Variants in KCNIP4 observed in about 807,000 individuals in gnomAD.
KCNIP4 encodes potassium voltage-gated channel interacting protein 4, also known as Kv channel-interacting protein 4.
A neutral mutation model predicts 34.0 loss-of-function variants in KCNIP4; 12 were observed. The ratio of observed to expected loss-of-function variants is 0.35; its 90% CI spans 0.23 to 0.57. The LOEUF (loss-of-function observed/expected upper bound fraction) is 0.57. KCNIP4 is among the 20% of genes least tolerant of loss of function. The probability of loss-of-function intolerance (pLI) is 0.83; values close to 1 mark genes in which losing one functional copy is unlikely to be tolerated. For synonymous variants in KCNIP4, 124 were observed against 102.2 expected (o/e 1.21, Z -1.29); for missense variants, 238 against 311.7 (o/e 0.76, Z 1.78).
intron 1 of KCNIP4, among the ~76,000 whole-genome samples, chr4:21,721,498 C>T (rs1225690549): frequency 6.6e-6 from 1 of 152,104 alleles, no homozygotes; most frequent in Admixed American, 6.6e-5. Context: ...TTACAAAGTT[C>T]GACTTCAGCT....
intron 1 of KCNIP4, among the ~76,000 whole-genome samples, chr4:21,910,565 G>C (rs1339568776): frequency 6.6e-6 from 1 of 152,060 alleles, no homozygotes; most frequent in Non-Finnish European, 1.5e-5. Context: ...ACAGACTTTA[G>C]TTCTAAAAAC....
chr4:21,594,263 A>C (rs541927497), intron 1 of KCNIP4, among the ~76,000 whole-genome samples: 45 of 152,260 alleles, frequency 3.0e-4, no homozygotes, highest in African/African-American at 9.6e-4. Context: ...GAGTTTAGAG[A>C]TATAGAAATA....
At chr4:21,173,930 C>A (rs1399042660) in intron 1 of KCNIP4, among the ~76,000 whole-genome samples, 1 of 152,196 alleles carries the variant, frequency 6.6e-6, no homozygotes, top group Non-Finnish European at 1.5e-5. Context: ...GCTAAGGAGC[C>A]TTTCTTATCT....
chr4:20,902,865 T>A (rs902050687), intron 1 of KCNIP4, among the ~76,000 whole-genome samples: 2 of 152,214 alleles, frequency 1.3e-5, no homozygotes, highest in African/African-American at 2.4e-5. Context: ...ATTAAATGAC[T>A]GTGTTCTCTC....
At chr4:21,894,165 C>G (rs1727254588) in intron 1 of KCNIP4, among the ~76,000 whole-genome samples, 1 of 151,744 alleles carries the variant, frequency 6.6e-6, no homozygotes, top group African/African-American at 2.4e-5. Flanking sequence ...AACCCTGTCT[C>G]TACTAAAAAT....
chr4:21,700,823 A>G (rs1712772634), intron 1 of KCNIP4, among the ~76,000 whole-genome samples: 1 of 152,182 alleles, frequency 6.6e-6, no homozygotes, highest in African/African-American at 2.4e-5. Flanking sequence ...ATGGTTATCC[A>G]GTTTTCCCAA....
At chr4:21,439,023 G>A (rs532229743) in intron 1 of KCNIP4, among the ~76,000 whole-genome samples, 4 of 152,150 alleles carry the variant, frequency 2.6e-5, no homozygotes, top group Non-Finnish European at 2.9e-5. Context: ...TTAACCGGGC[G>A]TGGCGGCGGG....
chr4:21,929,267 T>C (rs916941637), intron 1 of KCNIP4, among the ~76,000 whole-genome samples: 1 of 152,112 alleles, frequency 6.6e-6, no homozygotes, highest in Non-Finnish European at 1.5e-5. Context: ...AAGGCAATGT[T>C]GTAGGTGATA....
At chr4:21,073,000 T>A (rs1441157433) in intron 1 of KCNIP4, among the ~76,000 whole-genome samples, 1 of 152,192 alleles carries the variant, frequency 6.6e-6, no homozygotes, top group Non-Finnish European at 1.5e-5. Context: ...GTTCCATTGG[T>A]CTATATCTCT....
At chr4:20,860,019 G>A (rs1362114554) in intron 2 of KCNIP4, among the ~76,000 whole-genome samples, 1 of 152,160 alleles carries the variant, frequency 6.6e-6, no homozygotes. Flanking sequence ...ATACGGGAAG[G>A]ATTATCTTAT....
chr4:21,309,257 A>C (rs983423534), intron 1 of KCNIP4, among the ~76,000 whole-genome samples: 4 of 152,184 alleles, frequency 2.6e-5, no homozygotes, highest in Non-Finnish European at 5.9e-5. Context: ...TTCACCACAG[A>C]GTCCCAGTGA....
intron 1 of KCNIP4, among the ~76,000 whole-genome samples, chr4:21,777,346 CTT>C (rs1193513542): frequency 2.0e-5 from 3 of 152,178 alleles, no homozygotes; most frequent in Non-Finnish European, 4.4e-5. Flanking sequence ...CTCAGACACA[CTT>C]GGATAATATC....
chr4:21,454,576 T>C (rs1371377658), intron 1 of KCNIP4, among the ~76,000 whole-genome samples: 1 of 152,106 alleles, frequency 6.6e-6, no homozygotes, highest in Non-Finnish European at 1.5e-5. Flanking sequence ...ATTTTCCAAA[T>C]AGGGTAAGTA....
At chr4:21,285,591 G>A (rs1763072957) in intron 1 of KCNIP4, among the ~76,000 whole-genome samples, 1 of 152,124 alleles carries the variant, frequency 6.6e-6, no homozygotes, top group South Asian at 2.1e-4. Context: ...CATCTTGGGA[G>A]GCTGAGGTGG....
At chr4:21,285,878 G>A (rs115168720) in intron 1 of KCNIP4, among the ~76,000 whole-genome samples, 1 of 152,070 alleles carries the variant, frequency 6.6e-6, no homozygotes, top group South Asian at 2.1e-4. Context: ...CAACACAAAA[G>A]CATGGCTTGA....
chr4:21,202,660 G>A (rs1560170646), intron 1 of KCNIP4, among the ~76,000 whole-genome samples: 1 of 152,190 alleles, frequency 6.6e-6, no homozygotes, highest in Non-Finnish European at 1.5e-5. Flanking sequence ...TGACAGTCCA[G>A]GGTCTGGTGC....
At chr4:21,247,590 T>C (rs1267141477) in intron 1 of KCNIP4, among the ~76,000 whole-genome samples, 2 of 143,658 alleles carry the variant, frequency 1.4e-5, no homozygotes, top group African/African-American at 5.2e-5. Flanking sequence ...TATATATATA[T>C]ATACACCACA....
At chr4:21,770,684 G>C (rs1001195680) in intron 1 of KCNIP4, among the ~76,000 whole-genome samples, 1 of 152,112 alleles carries the variant, frequency 6.6e-6, no homozygotes, top group Non-Finnish European at 1.5e-5. Context: ...ATTTTGATTT[G>C]TATTTCTCTG....
chr4:21,524,091 C>T (rs1172567963), intron 1 of KCNIP4, among the ~76,000 whole-genome samples: 2 of 152,036 alleles, frequency 1.3e-5, no homozygotes, highest in African/African-American at 4.8e-5. Flanking sequence ...ATTTTCTCCA[C>T]TCTTGAAAGA....
Sources: allele counts gnomAD v4.1 joint callset (sites outside exome capture counted in the v4.1 genomes callset), GRCh38; gene constraint gnomAD v4.1.1; transcripts MANE v1.5; gene names NCBI Gene and HGNC (gene_info 2026-07-23, HGNC 2026-07-21).